Variants in SEPTIN7 observed in about 807,000 individuals in gnomAD.
SEPTIN7 encodes septin 7.
Under a neutral mutation model 63.3 loss-of-function variants are expected in SEPTIN7, and 10 were observed. The observed-to-expected ratio is 0.16, with a 90% confidence interval of 0.10 to 0.27. The LOEUF is 0.27. SEPTIN7 is among the 10% of genes least tolerant of loss of function. SEPTIN7 has a pLI of 1.00. For missense variants in SEPTIN7, 310 were observed against 521.0 expected (o/e 0.59, Z 3.94); for synonymous variants, 131 against 165.3 (o/e 0.79, Z 1.59).
At chr7:35,858,579 C>T (rs923661107) in intron 3 of SEPTIN7, among the ~76,000 whole-genome samples, 1 of 152,118 alleles carries the variant, frequency 6.6e-6, no homozygotes, top group Non-Finnish European at 1.5e-5. Context: ...TTATCTCAAT[C>T]TCCTGACCTC....
chr7:35,845,068 T>C (rs1445805753), intron 3 of SEPTIN7, among the ~76,000 whole-genome samples: 1 of 151,824 alleles, frequency 6.6e-6, no homozygotes, highest in Non-Finnish European at 1.5e-5. Flanking sequence ...TAAAAAAATA[T>C]AAAAAATAAA....
chr7:35,832,700 G>A (rs1166576519), intron 2 of SEPTIN7, 98 bp from the exon 3 acceptor site: 1 of 766,678 alleles, frequency 1.3e-6, no homozygotes, highest in East Asian at 2.5e-5. Context: ...GTGAATAATA[G>A]TATAATTTTC....
intron 6 of SEPTIN7, among the ~76,000 whole-genome samples, chr7:35,879,392 G>A (rs1217292990): frequency 2.0e-5 from 3 of 152,042 alleles, no homozygotes; most frequent in Admixed American, 6.6e-5. Flanking sequence ...GCTGAGATGG[G>A]AGGATCTGAG....
At chr7:35,860,357 A>G (rs1331713606) in intron 3 of SEPTIN7, among the ~76,000 whole-genome samples, 3 of 152,200 alleles carry the variant, frequency 2.0e-5, no homozygotes, top group Admixed American at 6.5e-5. Context: ...TTAAAAACTC[A>G]TAGAAAATAT....
At chr7:35,840,567 C>T (rs1365454142) in intron 3 of SEPTIN7, among the ~76,000 whole-genome samples, 1 of 151,926 alleles carries the variant, frequency 6.6e-6, no homozygotes, top group East Asian at 1.9e-4. Flanking sequence ...TGTGAGTCAT[C>T]ATGCCTGGCC....
intron 12 of SEPTIN7, 67 bp from the exon 13 acceptor site, chr7:35,903,009 G>T (rs1436485834): frequency 6.7e-6 from 10 of 1,485,572 alleles, no homozygotes; most frequent in Non-Finnish European, 8.9e-6. Flanking sequence ...TAGGGTGTCT[G>T]GATGAAACAT....
intron 3 of SEPTIN7, among the ~76,000 whole-genome samples, chr7:35,837,963 A>G (rs979566953): frequency 5.3e-5 from 8 of 152,082 alleles, no homozygotes; most frequent in Admixed American, 6.5e-5. Context: ...TATTGACCTC[A>G]GGTGATCCAC....
chr7:35,846,328 C>A (rs1429303646), intron 3 of SEPTIN7, among the ~76,000 whole-genome samples: 1 of 152,270 alleles, frequency 6.6e-6, no homozygotes, highest in Non-Finnish European at 1.5e-5. Context: ...CACACACACA[C>A]TTTTTTTATT....
intron 3 of SEPTIN7, 53 bp from the exon 4 acceptor site, chr7:35,863,499 A>G: frequency 9.3e-7 from 1 of 1,071,808 alleles, no homozygotes. Context: ...TTGAATATTT[A>G]AGATTGCGTA....
intron 1 of SEPTIN7, chr7:35,802,389 C>T (rs1466652393): frequency 6.1e-6 from 1 of 165,192 alleles, no homozygotes; most frequent in Non-Finnish European, 1.4e-5. Flanking sequence ...TTTGTGACGT[C>T]CAGGTGTTTT....
intron 11 of SEPTIN7, among the ~76,000 whole-genome samples, chr7:35,891,266 C>CTT (rs1787623724): frequency 6.6e-6 from 1 of 152,292 alleles, no homozygotes; most frequent in African/African-American, 2.4e-5. Flanking sequence ...TTTTAAAAAT[C>CTT]TGTCATTATT....
At chr7:35,821,721 G>C (rs1483435909) in intron 1 of SEPTIN7, among the ~76,000 whole-genome samples, 9 of 152,194 alleles carry the variant, frequency 5.9e-5, no homozygotes, top group Non-Finnish European at 1.5e-5. Context: ...AAGTCATGTA[G>C]GAGAGTGTCT....
intron 1 of SEPTIN7, among the ~76,000 whole-genome samples, chr7:35,824,272 CT>C (rs1783392817): frequency 6.6e-6 from 1 of 152,020 alleles, no homozygotes; most frequent in Non-Finnish European, 1.5e-5. Flanking sequence ...TAGTTAACCA[CT>C]TCTTGAGGGG....
chr7:35,913,065 C>T, the SEPTIN7 span, among the ~76,000 whole-genome samples: 1 of 152,168 alleles, frequency 6.6e-6, no homozygotes, highest in Non-Finnish European at 1.5e-5. Context: ...GCCTTGGGTC[C>T]TTCATCTGTG....
chr7:35,891,354 A>G (rs1292673859), intron 11 of SEPTIN7, among the ~76,000 whole-genome samples: 1 of 152,004 alleles, frequency 6.6e-6, no homozygotes, highest in Non-Finnish European at 1.5e-5. Context: ...CTATTTTGTC[A>G]TTTTGTAAAC....
chr7:35,842,329 T>G (rs1044642431), intron 3 of SEPTIN7, among the ~76,000 whole-genome samples: 1 of 148,262 alleles, frequency 6.7e-6, no homozygotes, highest in Non-Finnish European at 1.5e-5. Context: ...CTTGTTAATT[T>G]TACTCAAACT....
At position 35,866,831 on chromosome 7, in the gene SEPTIN7, CT is replaced by C. The variant is rs1392659611; in HGVS notation, c.276+3176del. ...GCGAGCTGACACCAGTCCTGGAATT[CT>C]TTATACCAGTGCTTCTCAAACTTGA... On this transcript the variant is annotated intron_variant, in intron 4 of 13. Transcript: ENST00000350320. Among the ~76,000 whole-genome samples, 3 of 152,180 alleles carry C rather than the reference CT, an allele frequency of 2.0e-5. No homozygotes were observed. In the East Asian group the frequency reaches 5.8e-4, roughly 29 times the overall value.
chr7:35,884,276 G>A (rs1028163602), intron 9 of SEPTIN7, among the ~76,000 whole-genome samples: 1 of 152,072 alleles, frequency 6.6e-6, no homozygotes. Context: ...AAAATAAAAC[G>A]TTTTGAGCAC....
At chr7:35,879,368 C>T (rs1358143986) in intron 6 of SEPTIN7, among the ~76,000 whole-genome samples, 3 of 151,930 alleles carry the variant, frequency 2.0e-5, no homozygotes, top group Non-Finnish European at 2.9e-5. Flanking sequence ...CCTGTAGTCC[C>T]AGCTACTCAG....
Sources: allele counts gnomAD v4.1 joint callset (sites outside exome capture counted in the v4.1 genomes callset), GRCh38; gene constraint gnomAD v4.1.1; transcripts MANE v1.5; gene names NCBI Gene and HGNC (gene_info 2026-07-23, HGNC 2026-07-21).